BCAS3: variants seen among roughly 807,000 people sequenced by gnomAD.
The protein encoded by BCAS3 is BCAS3 microtubule associated cell migration factor.
Under a neutral mutation model 116.1 loss-of-function variants are expected in BCAS3, and 53 were observed. That is an observed-to-expected ratio of 0.46 (90% CI 0.37 to 0.57). The LOEUF (loss-of-function observed/expected upper bound fraction) is 0.57. Among genes scored for constraint, BCAS3 ranks in the 20% least tolerant of loss-of-function variants. BCAS3 has a pLI of 0.00. For synonymous variants in BCAS3, 391 were observed against 408.2 expected (o/e 0.96, Z 0.51); for missense variants, 917 against 1,165.4 (o/e 0.79, Z 3.10).
intron 5 of BCAS3, among the ~76,000 whole-genome samples, chr17:60,743,947 G>T (rs1050319303): frequency 6.6e-5 from 10 of 152,282 alleles, no homozygotes; most frequent in Admixed American, 4.6e-4. Context: ...GGTTGGAAAA[G>T]ATTTTTTTTC....
At chr17:61,129,356 C>A (rs970111066) in intron 22 of BCAS3, among the ~76,000 whole-genome samples, 4 of 152,188 alleles carry the variant, frequency 2.6e-5, no homozygotes, top group Non-Finnish European at 4.4e-5. Context: ...TGATTGTTAG[C>A]TTAGACTACG....
chr17:61,264,575 T>C (rs1456591206), intron 22 of BCAS3, among the ~76,000 whole-genome samples: 2 of 152,080 alleles, frequency 1.3e-5, no homozygotes, highest in African/African-American at 4.8e-5. Context: ...GTCCAGCTAA[T>C]TTTTGTATTT....
At position 61,229,753 on chromosome 17, in the gene BCAS3, G is replaced by A. The variant is rs138147035; in HGVS notation, c.2426-138574G>A. ...ATGCTTTATGCATCCCTCTTACCCC[G>A]TCTCTAGATATGGAGCCACAACCTT... On this transcript the variant is annotated intron_variant, in intron 22 of 23. Transcript: ENST00000407086. The surrounding 1 kb of genome is among the most constrained non-coding windows in gnomAD (Gnocchi z 4.4). Among the ~76,000 whole-genome samples the A allele has an allele frequency of 1.1e-4, 16 of 152,186 alleles. No homozygotes were observed. The highest frequency in any genetic ancestry group is 1.9e-4 in the Non-Finnish European group (13 of 67,986).
intron 23 of BCAS3, among the ~76,000 whole-genome samples, chr17:61,373,648 A>G (rs139151995): frequency 0.016 from 2,213 of 137,244 alleles, 52 homozygotes; most frequent in African/African-American, 0.057. Context: ...AGGTTTCACC[A>G]TGTTGGCCAG....
At chr17:60,872,375 T>C (rs1347844448) in intron 8 of BCAS3, among the ~76,000 whole-genome samples, 2 of 151,626 alleles carry the variant, frequency 1.3e-5, no homozygotes, top group Non-Finnish European at 2.9e-5. Context: ...AATGTATATA[T>C]CTGTATGTAT....
At position 61,131,336 on chromosome 17, in the gene BCAS3, G is replaced by T. The variant is rs1476991164; in HGVS notation, c.2425+46772G>T. 6.6e-6 allele frequency among the ~76,000 whole-genome samples: 1 copy of T among 152,042 alleles called. No homozygotes were observed. The highest frequency in any genetic ancestry group is 2.4e-5 in the African/African-American group (1 of 41,374). Reference sequence around the variant, plus strand: ...CACTGAAACAGCAGGTATGACAGAGGGTTCCCTGACTTTGATAGTTTTAAT... The same window carrying T: ...CACTGAAACAGCAGGTATGACAGAGTGTTCCCTGACTTTGATAGTTTTAAT... On this transcript the variant is annotated intron_variant, in intron 22 of 23. Transcript: ENST00000407086. This position sits in a 1 kb window ranked among gnomAD's most constrained non-coding sequence, Gnocchi z 4.4.
chr17:61,373,244 A>G (rs1402731245), intron 23 of BCAS3, among the ~76,000 whole-genome samples: 1 of 151,490 alleles, frequency 6.6e-6, no homozygotes, highest in African/African-American at 2.4e-5. Flanking sequence ...ACCCACCACC[A>G]TGCCTGGCTA....
chr17:60,780,239 C>T (rs1213729488), intron 6 of BCAS3, among the ~76,000 whole-genome samples: 1 of 151,094 alleles, frequency 6.6e-6, no homozygotes, highest in Admixed American at 6.6e-5. Flanking sequence ...CTGCCCACCT[C>T]GGCCTGCCAA....
intron 12 of BCAS3, among the ~76,000 whole-genome samples, chr17:60,912,810 T>G (rs1348756326): frequency 6.6e-6 from 1 of 152,100 alleles, no homozygotes. Context: ...CCACCCACAT[T>G]TATTGGGTAG....
At chr17:60,825,542 ATAATTATT>A (rs2050321114) in intron 7 of BCAS3, among the ~76,000 whole-genome samples, 1 of 136,144 alleles carries the variant, frequency 7.3e-6, no homozygotes, top group African/African-American at 3.0e-5. Flanking sequence ...TAATTTATAA[ATAATTATT>A]TATAATAATT....
chr17:60,909,062 G>A (rs988085556), intron 11 of BCAS3, among the ~76,000 whole-genome samples: 2 of 151,976 alleles, frequency 1.3e-5, no homozygotes, highest in African/African-American at 2.4e-5. Flanking sequence ...CCCTAGCCTC[G>A]ATTTTCTCTT....
chr17:61,031,081 C>T (rs896782321), intron 16 of BCAS3, among the ~76,000 whole-genome samples: 1 of 151,884 alleles, frequency 6.6e-6, no homozygotes, highest in Non-Finnish European at 1.5e-5. Flanking sequence ...GGGAAGGCAT[C>T]CAAACACCCA....
chr17:61,271,460 G>C (rs1381583857), intron 22 of BCAS3, among the ~76,000 whole-genome samples: 2 of 114,512 alleles, frequency 1.7e-5, no homozygotes, highest in African/African-American at 6.7e-5. Context: ...GTCTCGCTCT[G>C]TTACCCAGGC....
intron 7 of BCAS3, among the ~76,000 whole-genome samples, chr17:60,838,350 C>T (rs536015210): frequency 6.6e-6 from 1 of 151,834 alleles, no homozygotes; most frequent in Non-Finnish European, 1.5e-5. Flanking sequence ...ATGGTCAATT[C>T]CAATATATAT....
rs1568835674 is a variant in BCAS3 at position 61,316,537 on chromosome 17, A to AGT, written c.2426-51789_2426-51788insTG. ...CCACATGCCGCCGCGTCCCTTCCAC[A>AGT]GCTCCCCTGCAGTAGCACCCCTCTG... On this transcript the variant is annotated intron_variant, in intron 22 of 23. Coordinates refer to ENST00000407086, the MANE Select transcript of BCAS3 (RefSeq NM_017679.5). This position sits in a 1 kb window ranked among gnomAD's most constrained non-coding sequence, Gnocchi z 5.8. Among the ~76,000 whole-genome samples the AGT allele has an allele frequency of 4.6e-5, 7 of 151,518 alleles. No individual in the cohort carries two copies. Among genetic ancestry groups the AGT allele is most frequent in the African/African-American group, 1.7e-4 (7 of 41,204 alleles).
At chr17:61,329,637 G>A (rs765244183) in intron 22 of BCAS3, among the ~76,000 whole-genome samples, 4 of 152,050 alleles carry the variant, frequency 2.6e-5, no homozygotes, top group African/African-American at 4.8e-5. Flanking sequence ...CACCATGCCC[G>A]GCCTATGTTG....
At chr17:60,839,329 A>G (rs550262967) in intron 7 of BCAS3, among the ~76,000 whole-genome samples, 1 of 152,230 alleles carries the variant, frequency 6.6e-6, no homozygotes, top group African/African-American at 2.4e-5. Flanking sequence ...TTTTTTCAAC[A>G]TAATGTATTA....
At chr17:60,929,018 G>C (rs921647395) in intron 13 of BCAS3, among the ~76,000 whole-genome samples, 1 of 152,132 alleles carries the variant, frequency 6.6e-6, no homozygotes, top group African/African-American at 2.4e-5. Context: ...TTGTCTTACA[G>C]TTTTAAAAAT....
At chr17:60,946,757 G>A (rs994049199) in intron 13 of BCAS3, among the ~76,000 whole-genome samples, 2 of 151,632 alleles carry the variant, frequency 1.3e-5, no homozygotes, top group Admixed American at 6.6e-5. Flanking sequence ...AAAAATAAAA[G>A]AAAATTAGCC....
Sources: allele counts gnomAD v4.1 joint callset (sites outside exome capture counted in the v4.1 genomes callset), GRCh38; gene constraint gnomAD v4.1.1; non-coding constraint Gnocchi (gnomAD v3.1); transcripts MANE v1.5; gene names NCBI Gene and HGNC (gene_info 2026-07-23, HGNC 2026-07-21).